ABCB5: variants seen among roughly 807,000 people sequenced by gnomAD.
The protein encoded by ABCB5 is ATP binding cassette subfamily B member 5.
Under a neutral mutation model 144.2 loss-of-function variants are expected in ABCB5, and 155 were observed. That is an observed-to-expected ratio of 1.08 (90% confidence interval 0.94 to 1.23). ABCB5 has a LOEUF of 1.23. Ranked by LOEUF, ABCB5 falls within the 50% of genes most tolerant of loss-of-function variation. The pLI, the probability that ABCB5 is intolerant of heterozygous loss-of-function variation, is 0.00. For missense variants in ABCB5, 1,830 were observed against 1,520.8 expected (o/e 1.20, Z -3.38); for synonymous variants, 610 against 528.6 (o/e 1.15, Z -2.11).
chr7:20,733,516 A>G lies in ABCB5; in HGVS notation c.2867+5061A>G, dbSNP rs116899464. Reference sequence around the variant, plus strand: ...TCAGAACATATGAAGGACTGTTAACATAAGAGTAACAATTAAAGAATAGTA... The same window carrying G: ...TCAGAACATATGAAGGACTGTTAACGTAAGAGTAACAATTAAAGAATAGTA... On this transcript the variant is annotated intron_variant, in intron 23 of 27. Coordinates refer to ENST00000404938, the MANE Select transcript of ABCB5 (RefSeq NM_001163941.2). Among the ~76,000 whole-genome samples the G allele has an allele frequency of 1.5e-3, 229 of 152,314 alleles. 5 individuals carry two copies. The East Asian group carries it at 0.034, about 23-fold the overall frequency.
chr7:20,744,507 C>G (rs1456039098), intron 25 of ABCB5, among the ~76,000 whole-genome samples: 1 of 152,020 alleles, frequency 6.6e-6, no homozygotes, highest in Admixed American at 6.6e-5. Flanking sequence ...CTGCCTCAGT[C>G]GCTCTACCCT....
chr7:20,629,872 GT>G (rs1663898639), intron 4 of ABCB5, among the ~76,000 whole-genome samples: 2 of 152,118 alleles, frequency 1.3e-5, no homozygotes, highest in African/African-American at 4.8e-5. Flanking sequence ...TTTGGTAGTA[GT>G]TTTTAGCCAT....
chr7:20,679,749 T>C (rs1237167126), intron 14 of ABCB5, among the ~76,000 whole-genome samples: 2 of 152,286 alleles, frequency 1.3e-5, no homozygotes, highest in African/African-American at 4.8e-5. Flanking sequence ...TTCTCACCCA[T>C]CAGACAGAAA....
chr7:20,658,142 C>G (rs939034972), intron 13 of ABCB5, among the ~76,000 whole-genome samples: 3 of 151,978 alleles, frequency 2.0e-5, no homozygotes, highest in South Asian at 2.1e-4. Context: ...ATAAACACTG[C>G]AGAAAATAGG....
chr7:20,676,033 G>T (rs1203051495), intron 14 of ABCB5, among the ~76,000 whole-genome samples: 1 of 151,932 alleles, frequency 6.6e-6, no homozygotes, highest in Non-Finnish European at 1.5e-5. Context: ...TGTTGGTGAG[G>T]ATGTGGAAAA....
At chr7:20,665,197 T>C (rs979292571) in intron 14 of ABCB5, among the ~76,000 whole-genome samples, 15 of 152,218 alleles carry the variant, frequency 9.9e-5, no homozygotes, top group South Asian at 2.1e-4. Flanking sequence ...CAAGCATTCA[T>C]GCATTCACAT....
intron 7 of ABCB5, 38 bp from the exon 8 acceptor site, chr7:20,645,718 C>T (rs759432159): frequency 6.9e-5 from 111 of 1,610,758 alleles, no homozygotes; most frequent in Non-Finnish European, 9.1e-5. Flanking sequence ...TATTACTACA[C>T]AGAGTCATTT....
chr7:20,700,313 C>T (rs544500186), intron 19 of ABCB5, among the ~76,000 whole-genome samples, 178 bp downstream of exon 19: 77 of 152,186 alleles, frequency 5.1e-4, no homozygotes, highest in African/African-American at 1.8e-3. Flanking sequence ...AGAAGCAAGT[C>T]CAAAAGTGTG....
intron 2 of ABCB5, among the ~76,000 whole-genome samples, chr7:20,625,794 C>T (rs536740361): frequency 5.3e-5 from 8 of 152,238 alleles, no homozygotes; most frequent in Admixed American, 2.0e-4. Context: ...ATTCTACTTC[C>T]GGGTATATAC....
Position 20,658,632 on chromosome 7 carries a change from C to G in ABCB5, c.1663C>G (p.Leu555Val). Residue 555 changes from leucine to valine, a missense_variant, in exon 14 of 28, where the codon CTG becomes GTG. Physicochemically the swap from Leu to Val is conservative, Grantham distance 32 (BLOSUM62 1). Transcript: ENST00000404938. ...GATTTTAGATGAGGCTACGTCTGCCCTGGATTCAGAAAGCAAGTCAGCTGT... is the reference window on the plus strand; with the variant it reads ...GATTTTAGATGAGGCTACGTCTGCCGTGGATTCAGAAAGCAAGTCAGCTGT... ...ILILDEATSA[L>V]DSESKSAVQA... is the part of the protein sequence containing the mutation. 1 of 1,614,112 alleles carries G rather than the reference C, an allele frequency of 6.2e-7. No individual in the cohort carries two copies.
chr7:20,753,968 T>C (rs568640606), intron 27 of ABCB5, among the ~76,000 whole-genome samples: 1 of 152,216 alleles, frequency 6.6e-6, no homozygotes, highest in Non-Finnish European at 1.5e-5. Flanking sequence ...GGAGGCAAAG[T>C]GACACATGAG....
intron 9 of ABCB5, chr7:20,647,218 C>A: frequency 2.0e-6 from 2 of 993,648 alleles, no homozygotes; most frequent in Non-Finnish European, 1.2e-6. Flanking sequence ...ATGGTCAGCA[C>A]ACTTCAGTTA....
At position 20,643,237 on chromosome 7, in the gene ABCB5, T is replaced by C. The variant is rs1382406457; in HGVS notation, c.368T>C (p.Ile123Thr). Residue 123 changes from isoleucine (I) to threonine (T), a missense_variant, in exon 6 of 28, where the codon ATA (isoleucine) becomes ACA (threonine). Coordinates refer to ENST00000404938, the MANE Select transcript of ABCB5 (RefSeq NM_001163941.2). ...GTTGCTGCCTTGATTTTTGGTTACA[T>C]ACAGATTTCCTTGTGGATTATAACT... is the stretch of plus-strand genomic sequence containing the variant. Reference protein sequence around the residue: ...IGVAALIFGYIQISLWIITAA... With the variant: ...IGVAALIFGYTQISLWIITAA... The C allele has an allele frequency of 1.2e-6, 2 of 1,613,644 alleles. No homozygotes were observed. The highest frequency in any genetic ancestry group is 4.5e-5 in the East Asian group (2 of 44,884).
At chr7:20,617,218 C>G (rs1783706604) in intron 1 of ABCB5, among the ~76,000 whole-genome samples, 1 of 152,080 alleles carries the variant, frequency 6.6e-6, no homozygotes, top group Admixed American at 6.6e-5. Flanking sequence ...GTACCTGGCA[C>G]AGTATATATC....
rs574592723 is a variant in ABCB5, at chr7:20,717,883, C to CTTTT, written c.2422-5100_2422-5097dup. Among the ~76,000 whole-genome samples, 32 of 43,270 alleles carry CTTTT rather than the reference C, an allele frequency of 7.4e-4. 13 individuals are homozygous for CTTTT. Among genetic ancestry groups the CTTTT allele is most frequent in the Non-Finnish European group, 1.2e-3 (25 of 21,288 alleles). The allele number at this position is 43,270 out of a possible 152,430, so 28.4% of individuals were successfully genotyped here. The stretch of plus-strand genomic sequence containing the variant: ...AATACGGTAACATTCTTGTAACATT[C>CTTTT]TTTTTTTTTTTTTTTTTTTTTTTTT... On this transcript the variant is annotated intron_variant, in intron 20 of 27. Transcript: ENST00000404938.
rs569371092 is a variant in ABCB5, at chr7:20,749,619, T to C, written c.3430-3741T>C. Among the ~76,000 whole-genome samples, 8 of 152,136 alleles carry C rather than the reference T, an allele frequency of 5.3e-5. 1 individual carries two copies. The East Asian group carries it at 9.7e-4, about 18-fold the overall frequency. On this transcript the variant is annotated intron_variant, in intron 26 of 27. Transcript: ENST00000404938. The stretch of plus-strand genomic sequence containing the variant: ...CCACTGGGCTTTTATTTAGGGAAGA[T>C]AGGACAAATATAGTCCTACTTTTAG...
chr7:20,711,417 C>T (rs35500007), intron 20 of ABCB5, among the ~76,000 whole-genome samples: 99,452 of 147,296 alleles, frequency 0.68, 36,246 homozygotes, highest in East Asian at 0.95. Context: ...TATATTTCCA[C>T]CAGTTATGAA....
intron 9 of ABCB5, among the ~76,000 whole-genome samples, chr7:20,646,497 T>C (rs905397586): frequency 7.2e-5 from 11 of 152,284 alleles, no homozygotes; most frequent in East Asian, 1.9e-4. Context: ...GAGTTCTGCA[T>C]TCACCTTGCT....
chr7:20,750,383 T>TACACACACACACACACACAC (rs3033674), intron 26 of ABCB5, among the ~76,000 whole-genome samples: 1 of 140,992 alleles, frequency 7.1e-6, no homozygotes, highest in African/African-American at 2.6e-5. Flanking sequence ...GGCTTCCCCC[T>TACACACACACACACACACAC]ACACACACAC....
Sources: allele counts gnomAD v4.1 joint callset (sites outside exome capture counted in the v4.1 genomes callset), GRCh38; gene constraint gnomAD v4.1.1; transcripts MANE v1.5; gene names NCBI Gene and HGNC (gene_info 2026-07-23, HGNC 2026-07-21).